The following RAD51B variants were observed in gnomAD, a reference collection of about 807,000 sequenced individuals.
The protein encoded by RAD51B is DNA repair protein RAD51 homolog 2.
RAD51B carries 38 observed loss-of-function variants against 42.2 expected under a neutral mutation model. That is an observed-to-expected ratio of 0.90 (90% CI 0.70 to 1.18). RAD51B has a LOEUF of 1.18. Ranked by LOEUF, RAD51B falls within the 50% of genes most tolerant of loss-of-function variation. The probability of loss-of-function intolerance (pLI) is 0.00; values close to 1 mark genes in which losing one functional copy is unlikely to be tolerated. For synonymous variants in RAD51B, 154 were observed against 145.2 expected (o/e 1.06, Z -0.43); for missense variants, 373 against 400.7 (o/e 0.93, Z 0.59).
intron 4 of RAD51B, among the ~76,000 whole-genome samples, chr14:67,848,535 A>G (rs1238847080): frequency 6.6e-6 from 1 of 151,248 alleles, no homozygotes; most frequent in African/African-American, 2.4e-5. Flanking sequence ...TTTTTTTTCT[A>G]GCTTACCATT....
intron 7 of RAD51B, among the ~76,000 whole-genome samples, chr14:68,060,663 T>C (rs1318590335): frequency 2.6e-5 from 4 of 152,226 alleles, no homozygotes; most frequent in Non-Finnish European, 5.9e-5. Flanking sequence ...CAAAGTATAG[T>C]TGGGAATAAG....
rs112745220 is a variant in RAD51B at position 68,365,281 on chromosome 14, G to A, written c.854-46143G>A. Among the ~76,000 whole-genome samples, 9 of 152,316 alleles carry A rather than the reference G, an allele frequency of 5.9e-5. 1 individual carries two copies. The highest frequency in any genetic ancestry group is 1.9e-4 in the East Asian group (1 of 5,190). On this transcript the variant is annotated intron_variant, in intron 8 of 10. Coordinates refer to ENST00000471583, the MANE Select transcript of RAD51B (RefSeq NM_133510.4). ...GGTTCTGTGTCTGATTCGGCTGTCC[G>A]GTGAGGAAAGATGTGAAGTGATCTC...
At chr14:68,417,614 G>A (rs1161670230) in intron 9 of RAD51B, among the ~76,000 whole-genome samples, 5 of 152,190 alleles carry the variant, frequency 3.3e-5, no homozygotes, top group African/African-American at 1.2e-4. Flanking sequence ...AAAATCTGAG[G>A]AAATCCTACG....
rs2042713712 is a variant in RAD51B, at chr14:67,875,990, G to C, written c.453-9879G>C. Among the ~76,000 whole-genome samples, 3 of 152,160 alleles carry C rather than the reference G, an allele frequency of 2.0e-5. No homozygotes were observed. In the South Asian group the frequency reaches 6.2e-4, roughly 32 times the overall value. On this transcript the variant is annotated intron_variant, in intron 5 of 10. Coordinates refer to ENST00000471583, the MANE Select transcript of RAD51B (RefSeq NM_133510.4). ...TTTTGAGATAGTTTCATGACACTGG[G>C]TAGGTTTTCCTCAGTTCAGTTCCAG... is the stretch of plus-strand genomic sequence containing the variant.
chr14:68,504,930 A>G lies in RAD51B; in HGVS notation c.1036+36680A>G, dbSNP rs568991525. ...GTGAACTGCAGACCTGCAAGAGGCC[A>G]GGGCGTTTCAGCAAGGGGTCCATAA... On this transcript the variant is annotated intron_variant, in intron 10 of 10. Transcript: ENST00000487270. Among the ~76,000 whole-genome samples, 56 of 152,268 alleles carry G rather than the reference A, an allele frequency of 3.7e-4. 1 individual carries two copies. The South Asian group carries it at 0.011, about 31-fold the overall frequency.
intron 7 of RAD51B, among the ~76,000 whole-genome samples, chr14:68,240,234 T>G (rs1042514955): frequency 6.6e-6 from 1 of 152,188 alleles, no homozygotes; most frequent in African/African-American, 2.4e-5. Context: ...CTGTTGTGTG[T>G]GTAATAAGTG....
chr14:68,226,598 G>T, intron 7 of RAD51B, among the ~76,000 whole-genome samples: 1 of 152,216 alleles, frequency 6.6e-6, no homozygotes, highest in African/African-American at 2.4e-5. Context: ...TGCCGTGTAA[G>T]ACGTAACTTT....
chr14:68,061,936 G>A (rs1423089421), intron 7 of RAD51B, among the ~76,000 whole-genome samples: 1 of 152,138 alleles, frequency 6.6e-6, no homozygotes, highest in African/African-American at 2.4e-5. Flanking sequence ...GTACTAAATT[G>A]AATAAAAGTG....
chr14:68,213,562 G>T (rs2079754713), intron 7 of RAD51B, among the ~76,000 whole-genome samples: 1 of 152,212 alleles, frequency 6.6e-6, no homozygotes. Context: ...ATAAGGAAAA[G>T]ATTTAGGGAC....
In RAD51B at chr14:68,014,695, A is replaced by AAAATAAATAAAT. The variant is rs199800534; in HGVS notation, c.756+127508_756+127519dup. Among the ~76,000 whole-genome samples, 563 of 150,496 alleles carry AAAATAAATAAAT rather than the reference A, an allele frequency of 3.7e-3. 4 individuals carry two copies. The highest frequency in any genetic ancestry group is 0.013 in the African/African-American group (522 of 40,738). ...ATTTGTTTAAATTTAAGGATCAGTAAAAATAAATAAATAAATAAATAAATA... is the reference window on the plus strand; with the variant it reads ...ATTTGTTTAAATTTAAGGATCAGTAAAAATAAATAAATAAATAAATAAATAAATAAATAAATA... On this transcript the variant is annotated intron_variant, in intron 7 of 10. Transcript: ENST00000471583.
intron 1 of RAD51B, 81 bp from the exon 2 acceptor site, chr14:67,823,461 T>G (rs2040703472): frequency 1.5e-5 from 17 of 1,167,986 alleles, no homozygotes; most frequent in Non-Finnish European, 2.0e-5. Flanking sequence ...TTAATTTTGT[T>G]TTGGATAGCC....
intron 7 of RAD51B, among the ~76,000 whole-genome samples, chr14:68,241,616 G>C (rs1023478428): frequency 1.3e-5 from 2 of 152,118 alleles, no homozygotes; most frequent in African/African-American, 4.8e-5. Context: ...TTTTGGCTAA[G>C]TCTAATTAAC....
chr14:68,579,236 C>A (rs1312237722), intron 10 of RAD51B, among the ~76,000 whole-genome samples: 1 of 152,224 alleles, frequency 6.6e-6, no homozygotes, highest in Non-Finnish European at 1.5e-5. Flanking sequence ...CTTTGTCCAG[C>A]TGCTTTCAAA....
chr14:68,416,664 A>G (rs1836144625), intron 9 of RAD51B, among the ~76,000 whole-genome samples: 1 of 152,254 alleles, frequency 6.6e-6, no homozygotes, highest in Non-Finnish European at 1.5e-5. Flanking sequence ...AACCTTGACA[A>G]TTATAAGCAG....
intron 10 of RAD51B, among the ~76,000 whole-genome samples, chr14:68,488,208 T>C (rs1414374487): frequency 1.3e-5 from 2 of 150,024 alleles, no homozygotes; most frequent in African/African-American, 4.9e-5. Context: ...TCTTTTTTTT[T>C]TTTTTTTTTT....
At chr14:68,507,741 C>T (rs1353953249) in intron 10 of RAD51B, among the ~76,000 whole-genome samples, 2 of 152,204 alleles carry the variant, frequency 1.3e-5, no homozygotes, top group African/African-American at 4.8e-5. Context: ...CATCACTCCT[C>T]AGCATAGCTC....
chr14:67,856,899 C>G (rs1314377445), intron 4 of RAD51B, among the ~76,000 whole-genome samples: 1 of 150,958 alleles, frequency 6.6e-6, no homozygotes, highest in Non-Finnish European at 1.5e-5. Context: ...AACTTTGGCT[C>G]TAACTATATG....
At chr14:68,467,402 T>C (rs1368449093) in intron 9 of RAD51B, among the ~76,000 whole-genome samples, 2 of 152,362 alleles carry the variant, frequency 1.3e-5, no homozygotes, top group African/African-American at 2.4e-5. Context: ...AACTTGTGTA[T>C]CTGTGGGTCT....
At chr14:68,231,388 T>C (rs1031288524) in intron 7 of RAD51B, among the ~76,000 whole-genome samples, 2 of 152,210 alleles carry the variant, frequency 1.3e-5, no homozygotes, top group African/African-American at 2.4e-5. Flanking sequence ...CTTTTTGTTA[T>C]CTGGTCATTT....
Sources: allele counts gnomAD v4.1 joint callset (sites outside exome capture counted in the v4.1 genomes callset), GRCh38; gene constraint gnomAD v4.1.1; transcripts MANE v1.5; gene names NCBI Gene and HGNC (gene_info 2026-07-23, HGNC 2026-07-21).